RBMS3: variants seen among roughly 807,000 people sequenced by gnomAD.
RBMS3 encodes RNA binding motif single stranded interacting protein 3.
A neutral mutation model predicts 66.8 loss-of-function variants in RBMS3; 27 were observed. That is an observed-to-expected ratio of 0.40 (90% CI 0.30 to 0.56). RBMS3 has a LOEUF of 0.56. Among genes scored for constraint, RBMS3 ranks in the 20% least tolerant of loss-of-function variants. The probability of loss-of-function intolerance (pLI) is 0.40; values close to 1 mark genes in which losing one functional copy is unlikely to be tolerated. For missense variants in RBMS3, 513 were observed against 549.5 expected (o/e 0.93, Z 0.66); for synonymous variants, 188 against 183.0 (o/e 1.03, Z -0.22).
chr3:29,945,141 G>C (rs186155510), intron 12 of RBMS3, among the ~76,000 whole-genome samples: 1 of 151,558 alleles, frequency 6.6e-6, no homozygotes, highest in East Asian at 1.9e-4. Flanking sequence ...AGACAGCAAG[G>C]TCATAAAATA....
At chr3:29,796,298 T>G (rs1387642532) in intron 6 of RBMS3, among the ~76,000 whole-genome samples, 1 of 152,156 alleles carries the variant, frequency 6.6e-6, no homozygotes, top group Non-Finnish European at 1.5e-5. Flanking sequence ...TCTCTTGCTA[T>G]TTTTACCACA....
intron 10 of RBMS3, among the ~76,000 whole-genome samples, chr3:29,919,462 A>G (rs921426809): frequency 2.6e-5 from 4 of 152,176 alleles, no homozygotes; most frequent in African/African-American, 9.7e-5. Flanking sequence ...CCTCACATCT[A>G]TCTCATATAT....
In RBMS3 at chr3:29,897,363, TG is replaced by T. The variant is rs2060146923; in HGVS notation, c.792-15del. The T allele has an allele frequency of 6.2e-7, 1 of 1,606,460 alleles. No homozygotes were observed. Among genetic ancestry groups the T allele is most frequent in the Non-Finnish European group, 8.5e-7 (1 of 1,173,974 alleles). On this transcript the variant is annotated splice_polypyrimidine_tract_variant and intron_variant, in intron 8 of 14. Coordinates refer to ENST00000383767, the MANE Select transcript of RBMS3 (RefSeq NM_001003793.3). ...TAGCAGCTTCGTGAATCTTCCTTTT[TG>T]TTTTCTGTTTGCAGATTTTATTCTT...
In RBMS3 at chr3:29,342,414, A is replaced by C. The variant is rs541903101; in HGVS notation, c.75+60658A>C. ...CCTTTCTGGATTTGGAATATGCTAA[A>C]AATTAATTTACCTGTGCCTTACCCA... On this transcript the variant is annotated intron_variant, in intron 1 of 14. Transcript: ENST00000383767. Among the ~76,000 whole-genome samples, 4 of 152,288 alleles carry C rather than the reference A, an allele frequency of 2.6e-5. No individual in the cohort carries two copies. The South Asian group carries it at 8.3e-4, about 32-fold the overall frequency.
chr3:29,668,624 G>A (rs1559552259), intron 4 of RBMS3, among the ~76,000 whole-genome samples: 1 of 152,100 alleles, frequency 6.6e-6, no homozygotes, highest in Non-Finnish European at 1.5e-5. Flanking sequence ...CAGGGTCTCG[G>A]CCCATGGAAT....
chr3:29,819,761 T>C (rs145490475), intron 6 of RBMS3, among the ~76,000 whole-genome samples: 38 of 152,346 alleles, frequency 2.5e-4, no homozygotes, highest in African/African-American at 7.5e-4. Context: ...TCAGATTTTC[T>C]ATGTCTAAAT....
chr3:29,380,214 A>T (rs1325786848), intron 1 of RBMS3, among the ~76,000 whole-genome samples: 2 of 78,860 alleles, frequency 2.5e-5, no homozygotes, highest in Middle Eastern at 5.3e-3. Flanking sequence ...GGGGAATCTC[A>T]CACACACACA....
chr3:29,559,231 A>G (rs1021257047), intron 3 of RBMS3, among the ~76,000 whole-genome samples: 189 of 151,958 alleles, frequency 1.2e-3, no homozygotes, highest in African/African-American at 4.3e-3. Context: ...TGAGAAAAAG[A>G]AAAAAAATCT....
At chr3:29,664,185 G>A (rs138309837) in intron 4 of RBMS3, among the ~76,000 whole-genome samples, 19 of 152,206 alleles carry the variant, frequency 1.2e-4, no homozygotes, top group Non-Finnish European at 2.5e-4. Flanking sequence ...AAGTGCATTT[G>A]TTGATAAAAG....
At chr3:29,448,936 T>TA (rs2041925048) in intron 2 of RBMS3, among the ~76,000 whole-genome samples, 1 of 152,214 alleles carries the variant, frequency 6.6e-6, no homozygotes, top group Admixed American at 6.5e-5. Context: ...CATTACAGCT[T>TA]ACTCTGTTTC....
intron 4 of RBMS3, among the ~76,000 whole-genome samples, chr3:29,735,228 C>G (rs1420143670): frequency 1.3e-5 from 2 of 152,080 alleles, no homozygotes; most frequent in Admixed American, 6.6e-5. Context: ...TTAAACTGCT[C>G]AAAAGCAAAT....
intron 1 of RBMS3, among the ~76,000 whole-genome samples, chr3:29,405,660 C>T (rs935286442): frequency 6.6e-6 from 1 of 152,064 alleles, no homozygotes; most frequent in East Asian, 1.9e-4. Context: ...GCATCTTGCT[C>T]CCTCAGTCTG....
intron 2 of RBMS3, 31 bp from the exon 3 acceptor site, chr3:29,488,410 A>G (rs1192799990): frequency 6.6e-7 from 1 of 1,525,574 alleles, no homozygotes. Flanking sequence ...GGTTACAATA[A>G]CATGGGTTTT....
chr3:29,395,523 G>A (rs1300866721), intron 1 of RBMS3, among the ~76,000 whole-genome samples: 1 of 152,156 alleles, frequency 6.6e-6, no homozygotes, highest in African/African-American at 2.4e-5. Context: ...GCTGGAGAGT[G>A]CTATGATGCT....
intron 1 of RBMS3, among the ~76,000 whole-genome samples, chr3:29,362,578 G>T (rs9833607): frequency 0.02 from 2,986 of 152,110 alleles, 90 homozygotes; most frequent in African/African-American, 0.068. Flanking sequence ...TCAAAGCTCA[G>T]TTGGAAATGT....
At chr3:29,829,797 C>G (rs943538055) in intron 6 of RBMS3, among the ~76,000 whole-genome samples, 2 of 151,142 alleles carry the variant, frequency 1.3e-5, no homozygotes, top group Admixed American at 6.7e-5. Context: ...AATGGTCTTA[C>G]AGCAGACTAG....
chr3:29,679,146 C>T (rs969941768), intron 4 of RBMS3, among the ~76,000 whole-genome samples: 31 of 151,844 alleles, frequency 2.0e-4, no homozygotes, highest in Admixed American at 1.9e-3. Flanking sequence ...AATGGAGTCC[C>T]AGCATTCTGT....
rs868761224 is a variant in RBMS3, at chr3:29,796,449, A to G, written c.637+33460A>G. On this transcript the variant is annotated intron_variant, in intron 6 of 14. Transcript: ENST00000383767. ...ACAAATGTTATTAATGGCATCTAGA[A>G]TGATGAATTCCTTCCAGAAGGGTTT... 2.0e-5 allele frequency among the ~76,000 whole-genome samples: 3 copies of G among 152,322 alleles called. No individual in the cohort carries two copies. The Middle Eastern group carries it at 0.01, about 518-fold the overall frequency.
intron 12 of RBMS3, among the ~76,000 whole-genome samples, chr3:29,948,014 C>CT (rs1438747304): frequency 6.6e-6 from 1 of 151,364 alleles, no homozygotes; most frequent in African/African-American, 2.4e-5. Context: ...GAAAAATACA[C>CT]TGAAAAGAAC....
Sources: allele counts gnomAD v4.1 joint callset (sites outside exome capture counted in the v4.1 genomes callset), GRCh38; gene constraint gnomAD v4.1.1; transcripts MANE v1.5; gene names NCBI Gene and HGNC (gene_info 2026-07-23, HGNC 2026-07-21).